The following CACNA2D4 variants were observed in gnomAD, a reference collection of about 807,000 sequenced individuals.
The protein encoded by CACNA2D4 is voltage-dependent calcium channel subunit alpha-2/delta-4.
CACNA2D4 carries 157 observed loss-of-function variants against 163.8 expected under a neutral mutation model. That is an observed-to-expected ratio of 0.96 (90% CI 0.84 to 1.09). The LOEUF (loss-of-function observed/expected upper bound fraction) is 1.09, where lower values mean the gene tolerates loss of function less well. Among genes scored for constraint, CACNA2D4 ranks in the 50% least tolerant of loss-of-function variants. CACNA2D4 has a pLI of 0.00. For synonymous variants in CACNA2D4, 598 were observed against 586.9 expected (o/e 1.02, Z -0.27); for missense variants, 1,410 against 1,479.9 (o/e 0.95, Z 0.78).
At chr12:1,847,490 T>A (rs961572247) in intron 23 of CACNA2D4, among the ~76,000 whole-genome samples, 2 of 152,152 alleles carry the variant, frequency 1.3e-5, no homozygotes, top group African/African-American at 4.8e-5. Context: ...GGGACTGTAG[T>A]AAGGTCTGGA....
At chr12:1,810,994 G>A (rs1485815468) in intron 27 of CACNA2D4, among the ~76,000 whole-genome samples, 1 of 152,226 alleles carries the variant, frequency 6.6e-6, no homozygotes, top group Non-Finnish European at 1.5e-5. Context: ...GTGTGGGGAG[G>A]GGACTTTGTG....
chr12:1,874,516 G>T lies in CACNA2D4; in HGVS notation c.1878+88C>A. ...CACTCAACTCTTCAGCTATAATTAG[G>T]CTAAGTCCAGGTCCCTCGTCACTAC... is the stretch of plus-strand genomic sequence containing the variant. On this transcript the variant is annotated intron_variant, in intron 18 of 37. Coordinates refer to ENST00000382722, the MANE Select transcript of CACNA2D4 (RefSeq NM_172364.5). This position sits in a 1 kb window ranked among gnomAD's most constrained non-coding sequence, Gnocchi z 4.4. 1 of 869,308 alleles carries T rather than the reference G, an allele frequency of 1.2e-6. No individual in the cohort carries two copies. The highest frequency in any genetic ancestry group is 1.9e-6 in the Non-Finnish European group (1 of 520,568). 53.8% of individuals were successfully genotyped at this position (869,308 alleles called of 1,614,324 possible). A position where few individuals can be genotyped will look rare whatever the true frequency, so the allele number is the denominator to read the frequency against.
At chr12:1,813,661 T>C (rs1412351649) in intron 26 of CACNA2D4, among the ~76,000 whole-genome samples, 1 of 152,216 alleles carries the variant, frequency 6.6e-6, no homozygotes, top group Non-Finnish European at 1.5e-5. Flanking sequence ...CCTTGGAGTC[T>C]CATGGCAATC....
chr12:1,816,648 G>C (rs1435588556), intron 26 of CACNA2D4, among the ~76,000 whole-genome samples: 1 of 152,270 alleles, frequency 6.6e-6, no homozygotes, highest in Non-Finnish European at 1.5e-5. Flanking sequence ...CAGACCCGCA[G>C]GCGGCTTATC....
chr12:1,827,881 G>A (rs928262417), intron 26 of CACNA2D4: 10 of 386,216 alleles, frequency 2.6e-5, no homozygotes, highest in Admixed American at 9.0e-5. Flanking sequence ...CTGGAAAGCC[G>A]AAGCCTGCCC....
chr12:1,912,991 G>T (rs1866870002), intron 3 of CACNA2D4, 32 bp downstream of exon 3: 1 of 1,432,470 alleles, frequency 7.0e-7, no homozygotes, highest in Non-Finnish European at 9.8e-7. Context: ...GGGCTGGGGA[G>T]AAACGCCCTG....
intron 18 of CACNA2D4, among the ~76,000 whole-genome samples, chr12:1,866,294 T>G (rs1313802625): frequency 6.6e-6 from 1 of 152,238 alleles, no homozygotes; most frequent in East Asian, 1.9e-4. Flanking sequence ...ATTTTTTCAA[T>G]GTTAAATTAA....
intron 19 of CACNA2D4, among the ~76,000 whole-genome samples, 160 bp downstream of exon 19, chr12:1,859,985 C>A (rs1174240386): frequency 6.6e-6 from 1 of 152,222 alleles, no homozygotes; most frequent in African/African-American, 2.4e-5. Flanking sequence ...GGCTCTGGAA[C>A]CTGCATTCTA....
chr12:1,913,922 C>T (rs568997723), intron 2 of CACNA2D4, among the ~76,000 whole-genome samples: 12 of 152,352 alleles, frequency 7.9e-5, no homozygotes, highest in East Asian at 1.9e-4. Context: ...TTACCCCAAA[C>T]GGCCACATCC....
Position 1,869,344 on chromosome 12 carries a change from G to A in CACNA2D4, c.1878+5260C>T, listed in dbSNP as rs1254187510. Among the ~76,000 whole-genome samples, 2 of 152,198 alleles carry A rather than the reference G, an allele frequency of 1.3e-5. No homozygotes were observed. Among genetic ancestry groups the A allele is most frequent in the African/African-American group, 2.4e-5 (1 of 41,458 alleles). On this transcript the variant is annotated intron_variant, in intron 18 of 37. Transcript: ENST00000382722. The surrounding 1 kb of genome is among the most constrained non-coding windows in gnomAD (Gnocchi z 4.7). Reference sequence around the variant, plus strand: ...CCACTCTTTGCTGTAACCTACCGTCGTGCTTTCTAGGCATGGGCCGAAGCC... The same window carrying A: ...CCACTCTTTGCTGTAACCTACCGTCATGCTTTCTAGGCATGGGCCGAAGCC...
chr12:1,822,249 A>T (rs949904913), intron 26 of CACNA2D4: 7 of 152,032 alleles, frequency 4.6e-5, no homozygotes, highest in African/African-American at 1.7e-4. Context: ...CAGGCACCAG[A>T]GCCCAGGGGC....
chr12:1,851,249 T>C (rs1269916421), intron 23 of CACNA2D4, among the ~76,000 whole-genome samples: 1 of 152,266 alleles, frequency 6.6e-6, no homozygotes, highest in Non-Finnish European at 1.5e-5. Context: ...TTTTGAGTCA[T>C]TGTTGGGAAA....
At chr12:1,836,815 C>G (rs1337424547) in intron 26 of CACNA2D4, 2 of 152,716 alleles carry the variant, frequency 1.3e-5, no homozygotes, top group Non-Finnish European at 2.9e-5. Context: ...TCCTGCCCCC[C>G]ACCTCCCCAG....
rs542257864 is a variant in CACNA2D4 at position 1,809,566 on chromosome 12, G to A, written c.2721+712C>T. The A allele has an allele frequency of 1.6e-4, 115 of 702,848 alleles. No individual in the cohort carries two copies. The African/African-American group carries it at 1.7e-3, about 10-fold the overall frequency. The allele number at this position is 702,848 out of a possible 1,614,324, so 43.5% of individuals were successfully genotyped here. On this transcript the variant is annotated intron_variant, in intron 29 of 37. Transcript: ENST00000382722. ...GGGCTTCTTTCTCAGTTTGATTCCTGGCTAAAGGAATAATCCATTTTGAGG... is the reference window on the plus strand; with the variant it reads ...GGGCTTCTTTCTCAGTTTGATTCCTAGCTAAAGGAATAATCCATTTTGAGG...
At chr12:1,809,905 T>C (rs1438979823) in intron 29 of CACNA2D4, among the ~76,000 whole-genome samples, 2 of 152,174 alleles carry the variant, frequency 1.3e-5, no homozygotes, top group Non-Finnish European at 2.9e-5. Flanking sequence ...GGGAATGATC[T>C]GATAAGTGAG....
chr12:1,850,633 G>A (rs530624351), intron 23 of CACNA2D4, among the ~76,000 whole-genome samples: 7 of 152,024 alleles, frequency 4.6e-5, no homozygotes, highest in East Asian at 1.9e-4. Flanking sequence ...GGCCAGGCGC[G>A]GTGGCTCACG....
In CACNA2D4 at chr12:1,811,667, G is replaced by T. The variant is rs778241147; in HGVS notation, c.2608C>A (p.Arg870=). 1 of 1,559,400 alleles carries T rather than the reference G, an allele frequency of 6.4e-7. No homozygotes were observed. Among genetic ancestry groups the T allele is most frequent in the Non-Finnish European group, 8.7e-7 (1 of 1,151,172 alleles). Reference sequence around the variant, plus strand: ...TGGCCCGACATCACACCTACCTGCCGCGTTGCCGCCCAGAATTTGCGCTGG... The same window carrying T: ...TGGCCCGACATCACACCTACCTGCCTCGTTGCCGCCCAGAATTTGCGCTGG... ...FLQRKFWAAT[R]QCSTVDGPCT... is the part of the protein sequence containing the mutation. Residue 870 remains arginine (R), a synonymous_variant, in exon 27 of 38, where the codon CGG becomes AGG. Coordinates refer to ENST00000382722, the MANE Select transcript of CACNA2D4 (RefSeq NM_172364.5).
intron 2 of CACNA2D4, among the ~76,000 whole-genome samples, chr12:1,913,953 C>G (rs557070218): frequency 1.3e-4 from 20 of 152,376 alleles, no homozygotes; most frequent in Admixed American, 3.3e-4. Flanking sequence ...ATGCTCCTCT[C>G]CCCGGGCTGT....
rs143812940 is a variant in CACNA2D4, at chr12:1,796,232, A to T, written c.3114-452T>A. On this transcript the variant is annotated intron_variant, in intron 35 of 37. Transcript: ENST00000382722. ...CCGCGCTCGGCGAGGCCGCCCTGCGAGGAGTGGCGCGGAGTGGGGCGGAGC... is the reference window on the plus strand; with the variant it reads ...CCGCGCTCGGCGAGGCCGCCCTGCGTGGAGTGGCGCGGAGTGGGGCGGAGC... 6.2e-3 allele frequency among the ~76,000 whole-genome samples: 937 copies of T among 152,260 alleles called. 20 individuals carry two copies. Among genetic ancestry groups the T allele is most frequent in the Admixed American group, 0.04 (614 of 15,302 alleles).
Sources: allele counts gnomAD v4.1 joint callset (sites outside exome capture counted in the v4.1 genomes callset), GRCh38; gene constraint gnomAD v4.1.1; non-coding constraint Gnocchi (gnomAD v3.1); transcripts MANE v1.5; gene names NCBI Gene and HGNC (gene_info 2026-07-23, HGNC 2026-07-21).